The following ZNF681 variants were observed in gnomAD, a reference collection of about 807,000 sequenced individuals.
ZNF681 encodes the protein hypothetical protein FLJ31526.
In ZNF681, 37 loss-of-function variants were observed where a neutral mutation model predicts 56.0. That is an observed-to-expected ratio of 0.66 (90% CI 0.51 to 0.87). The LOEUF is 0.87. Among genes scored for constraint, ZNF681 ranks in the 40% least tolerant of loss-of-function variants. The probability of loss-of-function intolerance (pLI) is 0.00; values close to 1 mark genes in which losing one functional copy is unlikely to be tolerated. For synonymous variants in ZNF681, 225 were observed against 248.6 expected (o/e 0.91, Z 0.89); for missense variants, 741 against 744.9 (o/e 0.99, Z 0.06).
chr19:23,746,297 G>A (rs2144841823), intron 3 of ZNF681, among the ~76,000 whole-genome samples: 1 of 143,822 alleles, frequency 7.0e-6, no homozygotes, highest in African/African-American at 2.6e-5. Context: ...CTAGGTGACA[G>A]AGTGAGACTA....
chr19:23,754,236 T>C (rs1969080252), intron 3 of ZNF681, among the ~76,000 whole-genome samples: 1 of 152,222 alleles, frequency 6.6e-6, no homozygotes, highest in African/African-American at 2.4e-5. Flanking sequence ...GCAGTCAGAT[T>C]GTGCAGTCTC....
At chr19:23,755,011 T>C (rs1969092112) in intron 2 of ZNF681, 93 bp from the exon 3 acceptor site, 1 of 877,984 alleles carries the variant, frequency 1.1e-6, no homozygotes, top group Non-Finnish European at 1.7e-6. Flanking sequence ...AAATAGAATA[T>C]TCTTGTAAAT....
At chr19:23,748,495 C>CA (rs1968978226) in intron 3 of ZNF681, among the ~76,000 whole-genome samples, 1 of 152,140 alleles carries the variant, frequency 6.6e-6, no homozygotes, top group African/African-American at 2.4e-5. Flanking sequence ...AGCTGACAGA[C>CA]AACCACCCCC....
chr19:23,753,756 A>C (rs1006828240), intron 3 of ZNF681, among the ~76,000 whole-genome samples: 5 of 147,926 alleles, frequency 3.4e-5, no homozygotes, highest in Non-Finnish European at 7.4e-5. Flanking sequence ...AGCTACTCGG[A>C]GGGACTGAGG....
At chr19:23,755,596 C>T (rs1969103993) in intron 1 of ZNF681, 45 bp from the exon 2 acceptor site, 4 of 696,024 alleles carry the variant, frequency 5.7e-6, no homozygotes, top group South Asian at 4.6e-5. Flanking sequence ...CACACACACA[C>T]ACATACACAT....
At chr19:23,745,387 C>T in intron 3 of ZNF681, 64 bp from the exon 4 acceptor site, 3 of 1,274,818 alleles carry the variant, frequency 2.4e-6, no homozygotes, top group South Asian at 1.9e-5. Flanking sequence ...TTTACAAATC[C>T]AACCTATACA....
chr19:23,745,097 A>G lies in ZNF681; in HGVS notation c.453T>C (p.Phe151=). 3 of 1,605,150 alleles carry G rather than the reference A, an allele frequency of 1.9e-6. No homozygotes were observed. The highest frequency in any genetic ancestry group is 2.6e-6 in the Non-Finnish European group (3 of 1,176,054). The stretch of plus-strand genomic sequence containing the variant: ...GTCCATTTAAATTTGAAAATTTATG[A>G]AAGATTTTCATATATTTATCACATT... ...IFQCDKYMKI[F]HKFSNLNGHK... The change falls in exon 4 of 4, where the codon TTT becomes TTC. Residue 151 remains phenylalanine, a synonymous_variant. Coordinates refer to ENST00000402377, the MANE Select transcript of ZNF681 (RefSeq NM_138286.3).
In ZNF681 at chr19:23,743,673, T is replaced by C. The variant is rs745647845; in HGVS notation, c.1877A>G (p.Asp626Gly). The change falls in exon 4 of 4, where the codon GAT (aspartate) becomes GGT (glycine). Residue 626 changes from aspartate (D) to glycine (G), a missense_variant. Physicochemically the swap from Asp to Gly is moderately conservative, Grantham distance 94. Coordinates refer to ENST00000402377, the MANE Select transcript of ZNF681 (RefSeq NM_138286.3). Reference protein sequence around the residue: ...KLYKPKRCNSDFENTSKFSKH... With the variant: ...KLYKPKRCNSGFENTSKFSKH... The stretch of plus-strand genomic sequence containing the variant: ...AGAAAACTTTGAAGTGTTTTCAAAA[T>C]CACTGTTACATCTTTTAGGTTTGTA... 1.3e-6 allele frequency: 2 copies of C among 1,577,680 alleles called. No homozygotes were observed. Among genetic ancestry groups the C allele is most frequent in the Non-Finnish European group, 1.7e-6 (2 of 1,163,866 alleles).
Position 23,744,063 on chromosome 19 carries a change from T to C in ZNF681, c.1487A>G (p.His496Arg), listed in dbSNP as rs139797137. ...AFNQSSILTTHKRIHTGEKSY... is the reference protein window; with the variant it reads ...AFNQSSILTTRKRIHTGEKSY... ...TTTCTCTCCAGTATGAATTCTCTTA[T>C]GTGTAGTAAGGATTGAGGACTGGTT... Residue 496 changes from histidine to arginine, a missense_variant, in exon 4 of 4, where the codon CAT becomes CGT. Physicochemically the swap from His to Arg is conservative, Grantham distance 29. Coordinates refer to ENST00000402377, the MANE Select transcript of ZNF681 (RefSeq NM_138286.3). The C allele has an allele frequency of 1.4e-4, 232 of 1,613,342 alleles. No homozygotes were observed. The African/African-American group carries it at 2.7e-3, about 19-fold the overall frequency.
chr19:23,745,248 C>T lies in ZNF681; in HGVS notation c.302G>A (p.Arg101Lys). ...CTCATGTTCACATTTTCCATATCTTCTTGGTGTCACTTTTTGGAAAGAATC... is the reference window on the plus strand; with the variant it reads ...CTCATGTTCACATTTTCCATATCTTTTTGGTGTCACTTTTTGGAAAGAATC... ...IKDSFQKVTP[R>K]RYGKCEHENL... Residue 101 changes from arginine (R) to lysine (K), a missense_variant, in exon 4 of 4, where the codon AGA becomes AAA. Physicochemically the swap from Arg to Lys is conservative, Grantham distance 26. Transcript: ENST00000402377. The T allele has an allele frequency of 6.2e-7, 1 of 1,605,504 alleles. No individual in the cohort carries two copies. Among genetic ancestry groups the T allele is most frequent in the Non-Finnish European group, 8.5e-7 (1 of 1,177,882 alleles).
Position 23,743,440 on chromosome 19 carries a change from G to C in ZNF681, c.*172C>G. 1 of 522,474 alleles carries C rather than the reference G, an allele frequency of 1.9e-6. No individual in the cohort carries two copies. Among genetic ancestry groups the C allele is most frequent in the Non-Finnish European group, 3.2e-6 (1 of 314,740 alleles). 32.4% of individuals were successfully genotyped at this position (522,474 alleles called of 1,614,324 possible). ...GATATTAATGGCTTTTTCACATTCT[G>C]TATATTTGAAATTTTTTTCTAGTAC... On this transcript the variant is annotated 3_prime_UTR_variant, in exon 4 of 4. Transcript: ENST00000402377.
Position 23,745,002 on chromosome 19 carries a change from G to C in ZNF681, c.548C>G (p.Ser183Ter). 6.3e-7 allele frequency: 1 copy of C among 1,599,560 alleles called. No homozygotes were observed. The highest frequency in any genetic ancestry group is 1.1e-5 in the South Asian group (1 of 89,198). The change falls in exon 4 of 4, where the codon TCA becomes TGA. Residue 183 changes from serine to a stop codon, truncating the protein, a stop_gained. Transcript: ENST00000402377. LOFTEE classifies it high-confidence loss of function. ...KEFGKSFCIF[S>*]NLTQHKIICT... ...AATTATTTTATGTTGAGTTAGGTTT[G>C]AAAATATGCAAAATGATTTGCCAAA...
chr19:23,744,150 G>A lies in ZNF681; in HGVS notation c.1400C>T (p.Thr467Ile). 5 of 1,611,530 alleles carry A rather than the reference G, an allele frequency of 3.1e-6. No individual in the cohort carries two copies. Among genetic ancestry groups the A allele is most frequent in the Non-Finnish European group, 4.2e-6 (5 of 1,179,222 alleles). ...CTCTCCAGTATGAATTCTTTTATGT[G>A]TAGTAAGGTTTGAGAACTGGTTAAA... The part of the protein sequence containing the change: ...KAFNQFSNLT[T>I]HKRIHTGEKP... Residue 467 changes from threonine to isoleucine, a missense_variant, in exon 4 of 4, where the codon ACA becomes ATA. Thr to Ile is a moderately conservative substitution (Grantham distance 89). Coordinates refer to ENST00000402377, the MANE Select transcript of ZNF681 (RefSeq NM_138286.3).
intron 3 of ZNF681, among the ~76,000 whole-genome samples, chr19:23,745,862 C>A (rs945073919): frequency 6.6e-6 from 1 of 152,068 alleles, no homozygotes; most frequent in African/African-American, 2.4e-5. Context: ...CCCAGGTGAG[C>A]AGAATGCAAA....
intron 1 of ZNF681, among the ~76,000 whole-genome samples, chr19:23,756,799 TTAAAG>T (rs1336819818): frequency 6.6e-6 from 1 of 151,892 alleles, no homozygotes; most frequent in African/African-American, 2.4e-5. Context: ...ATCCCGAAAC[TTAAAG>T]TAAAATAGAA....
chr19:23,755,399 G>A (rs1599461258), intron 2 of ZNF681, 26 bp downstream of exon 2: 2 of 1,596,926 alleles, frequency 1.3e-6, no homozygotes, highest in Non-Finnish European at 1.7e-6. Context: ...GGTATAATAG[G>A]AATTGTATAT....
intron 3 of ZNF681, among the ~76,000 whole-genome samples, chr19:23,754,612 C>T (rs555702201): frequency 6.2e-4 from 94 of 152,246 alleles, no homozygotes; most frequent in Non-Finnish European, 1.1e-3. Context: ...TTGCAGTGAG[C>T]CCAGACTGTT....
At chr19:23,755,105 C>T (rs1278716844) in intron 2 of ZNF681, among the ~76,000 whole-genome samples, 187 bp from the exon 3 acceptor site, 3 of 151,756 alleles carry the variant, frequency 2.0e-5, no homozygotes, top group Non-Finnish European at 4.4e-5. Context: ...TTTCACTGTC[C>T]AGTACAACAA....
At chr19:23,756,328 C>CT (rs762338731) in intron 1 of ZNF681, among the ~76,000 whole-genome samples, 3 of 150,602 alleles carry the variant, frequency 2.0e-5, no homozygotes, top group Non-Finnish European at 3.0e-5. Context: ...CTGTCCCCCC[C>CT]CAAAAAAAGA....
Sources: allele counts gnomAD v4.1 joint callset (sites outside exome capture counted in the v4.1 genomes callset), GRCh38; gene constraint gnomAD v4.1.1; transcripts MANE v1.5; gene names NCBI Gene and HGNC (gene_info 2026-07-23, HGNC 2026-07-21).